Variants in COL24A1 observed in about 807,000 individuals in gnomAD.
The protein encoded by COL24A1 is collagen type XXIV alpha 1 chain.
COL24A1 carries 224 observed loss-of-function variants against 253.9 expected under a neutral mutation model. The observed-to-expected ratio is 0.88, with a 90% CI of 0.79 to 0.99. COL24A1 has a LOEUF of 0.99. Ranked by LOEUF, COL24A1 falls within the 50% of genes least tolerant of loss-of-function variation. The pLI, the probability that COL24A1 is intolerant of heterozygous loss-of-function variation, is 0.00. For synonymous variants in COL24A1, 685 were observed against 673.7 expected (o/e 1.02, Z -0.26); for missense variants, 2,131 against 2,068.5 (o/e 1.03, Z -0.59).
At chr1:86,006,116 T>C (rs1230549852) in intron 19 of COL24A1, among the ~76,000 whole-genome samples, 1 of 152,098 alleles carries the variant, frequency 6.6e-6, no homozygotes, top group Non-Finnish European at 1.5e-5. Context: ...TTCAATGCAA[T>C]ACCAAACAAA....
At chr1:85,742,920 A>G (rs139728755) in intron 57 of COL24A1, among the ~76,000 whole-genome samples, 27 of 152,266 alleles carry the variant, frequency 1.8e-4, no homozygotes, top group African/African-American at 6.5e-4. Context: ...CTAAGCATAA[A>G]GCATATTCAA....
intron 24 of COL24A1, among the ~76,000 whole-genome samples, chr1:85,954,796 A>AG (rs956857845): frequency 1.3e-5 from 2 of 152,208 alleles, no homozygotes; most frequent in African/African-American, 4.8e-5. Context: ...TAAAAACAGG[A>AG]GGGGTCGATG....
intron 5 of COL24A1, among the ~76,000 whole-genome samples, chr1:86,107,558 C>T (rs970421407): frequency 3.4e-5 from 5 of 145,790 alleles, no homozygotes; most frequent in Admixed American, 6.8e-5. Context: ...TATTTATAGA[C>T]GGAGTCTGCT....
chr1:85,989,635 G>C (rs1694055976), intron 19 of COL24A1, among the ~76,000 whole-genome samples: 1 of 152,052 alleles, frequency 6.6e-6, no homozygotes, highest in African/African-American at 2.4e-5. Context: ...TTAATACACA[G>C]TTTACAGGGT....
intron 24 of COL24A1, among the ~76,000 whole-genome samples, chr1:85,933,098 A>G (rs28620955): frequency 4.3e-4 from 36 of 83,164 alleles, no homozygotes; most frequent in Non-Finnish European, 7.3e-4. Context: ...AAAAAAAAAA[A>G]AAAGAAAGAA....
intron 47 of COL24A1, among the ~76,000 whole-genome samples, chr1:85,788,392 T>A (rs1389185489): frequency 6.6e-6 from 1 of 152,152 alleles, no homozygotes; most frequent in Non-Finnish European, 1.5e-5. Context: ...CGCCTGGCCC[T>A]TTGCCCACTT....
intron 10 of COL24A1, among the ~76,000 whole-genome samples, chr1:86,056,868 A>C (rs549352101): frequency 2.6e-5 from 4 of 151,688 alleles, no homozygotes; most frequent in Non-Finnish European, 5.9e-5. Context: ...AAAAAAAAAA[A>C]CACAAAACAA....
chr1:85,910,082 A>G, intron 25 of COL24A1, 79 bp from the exon 26 acceptor site: 1 of 1,116,956 alleles, frequency 9.0e-7, no homozygotes, highest in Non-Finnish European at 1.3e-6. Context: ...AGAAAGAAAA[A>G]CTGTCATCCA....
At chr1:86,009,572 A>G (rs1306371191) in intron 19 of COL24A1, among the ~76,000 whole-genome samples, 8 of 152,186 alleles carry the variant, frequency 5.3e-5, no homozygotes, top group Non-Finnish European at 1.5e-5. Context: ...AAACATAGAA[A>G]TGGTACAGTA....
chr1:85,845,813 G>A (rs1677090210), intron 39 of COL24A1, among the ~76,000 whole-genome samples: 1 of 151,706 alleles, frequency 6.6e-6, no homozygotes, highest in Non-Finnish European at 1.5e-5. Context: ...ACAGAGATAA[G>A]GGAAATATTT....
intron 45 of COL24A1, among the ~76,000 whole-genome samples, chr1:85,820,731 A>C (rs1343374335): frequency 6.6e-6 from 1 of 152,232 alleles, no homozygotes; most frequent in African/African-American, 2.4e-5. Flanking sequence ...TTTACAGTAC[A>C]TATAAAATTG....
At chr1:85,791,455 TG>T (rs1341957338) in intron 47 of COL24A1, among the ~76,000 whole-genome samples, 2 of 152,134 alleles carry the variant, frequency 1.3e-5, no homozygotes, top group Non-Finnish European at 2.9e-5. Context: ...GGAAAGCATA[TG>T]GTGGGTAGAT....
chr1:85,895,851 T>C lies in COL24A1; in HGVS notation c.2922+7A>G, dbSNP rs1198944346. 1 of 1,603,072 alleles carries C rather than the reference T, an allele frequency of 6.2e-7. No individual in the cohort carries two copies. Among genetic ancestry groups the C allele is most frequent in the Non-Finnish European group, 8.5e-7 (1 of 1,175,778 alleles). ...TTTTTCATAGCATGATTTTTTAAAT[T>C]ACTTACTGGTTTCCCTTGAAATCCT... On this transcript the variant is annotated splice_region_variant and intron_variant, in intron 31 of 59. Transcript: ENST00000370571.
At chr1:86,113,282 C>T (rs550375001) in intron 4 of COL24A1, among the ~76,000 whole-genome samples, 27 of 152,134 alleles carry the variant, frequency 1.8e-4, no homozygotes, top group Non-Finnish European at 3.5e-4. Flanking sequence ...AACTTAAGCG[C>T]ATACAACCAG....
intron 50 of COL24A1, 147 bp from the exon 51 acceptor site, chr1:85,783,705 T>C: frequency 1.4e-6 from 1 of 694,976 alleles, no homozygotes; most frequent in Non-Finnish European, 2.4e-6. Flanking sequence ...GGAAGTGTAC[T>C]GAGGCCTACA....
chr1:86,057,057 C>A (rs1167801346), intron 10 of COL24A1, among the ~76,000 whole-genome samples: 1 of 151,850 alleles, frequency 6.6e-6, no homozygotes, highest in African/African-American at 2.4e-5. Flanking sequence ...AAATATGATT[C>A]CTAATGTTGG....
intron 37 of COL24A1, among the ~76,000 whole-genome samples, chr1:85,867,116 T>G (rs1310666422): frequency 6.6e-6 from 1 of 152,242 alleles, no homozygotes; most frequent in Non-Finnish European, 1.5e-5. Context: ...TTAAGATATT[T>G]GTTGTTTTCT....
At chr1:85,951,545 G>A (rs536185685) in intron 24 of COL24A1, among the ~76,000 whole-genome samples, 1 of 152,172 alleles carries the variant, frequency 6.6e-6, no homozygotes, top group Non-Finnish European at 1.5e-5. Flanking sequence ...AAGTTGGAAA[G>A]TGTAGGAATA....
intron 9 of COL24A1, among the ~76,000 whole-genome samples, chr1:86,058,711 T>G (rs1166705415): frequency 6.6e-6 from 1 of 151,562 alleles, no homozygotes; most frequent in Non-Finnish European, 1.5e-5. Context: ...CAGATAAAAG[T>G]GTTTGGTAGT....
Sources: gnomAD v4.1 joint callset for allele counts (sites outside exome capture counted in the v4.1 genomes callset) on GRCh38, gnomAD v4.1.1 for gene constraint, MANE v1.5 for transcripts, NCBI Gene and HGNC (gene_info 2026-07-23, HGNC 2026-07-21) for gene names.